The following POTEC variants were observed in gnomAD, a reference collection of about 807,000 sequenced individuals.
The protein encoded by POTEC is ANKRD26-like family B member 2.
In POTEC, 35 loss-of-function variants were observed where a neutral mutation model predicts 62.0. The ratio of observed to expected loss-of-function variants is 0.56; its 90% CI spans 0.43 to 0.75. The LOEUF is 0.75. Ranked by LOEUF, POTEC falls within the 30% of genes least tolerant of loss-of-function variation. The pLI, the probability that POTEC is intolerant of heterozygous loss-of-function variation, is 0.00. For synonymous variants in POTEC, 156 were observed against 221.5 expected, an observed-to-expected ratio of 0.70 and a Z score of 2.62; for missense variants, 472 against 655.9, an observed-to-expected ratio of 0.72 and a Z score of 3.06.
intron 1 of POTEC, among the ~76,000 whole-genome samples, chr18:14,538,919 C>T (rs1055841733): frequency 6.6e-6 from 1 of 152,034 alleles, no homozygotes; most frequent in Non-Finnish European, 1.5e-5. Flanking sequence ...AAATACAATC[C>T]CTGGTGCCTT....
At chr18:14,513,612 T>G (rs757956168) in intron 10 of POTEC, 50 bp downstream of exon 10, 13 of 1,555,342 alleles carry the variant, frequency 8.4e-6, no homozygotes, top group African/African-American at 1.4e-5. Flanking sequence ...TAAAGCTTTT[T>G]AAAAATATAT....
At chr18:14,525,260 G>A (rs1304854957) in intron 6 of POTEC, among the ~76,000 whole-genome samples, 1 of 152,002 alleles carries the variant, frequency 6.6e-6, no homozygotes, top group Admixed American at 6.6e-5. Flanking sequence ...AACATATAAG[G>A]TAACTCAGTA....
Position 14,543,278 on chromosome 18 carries a change from C to T in POTEC, c.-132G>A. 7.1e-7 allele frequency: 1 copy of T among 1,410,470 alleles called. No individual in the cohort carries two copies. The highest frequency in any genetic ancestry group is 9.6e-7 in the Non-Finnish European group (1 of 1,042,804). The allele number at this position is 1,410,470 out of a possible 1,614,324, so 87.4% of individuals were successfully genotyped here. ...AAGGTCAATCCCAGCCAAAACTTGCCAACCCCAGCAAGGGAGCCCAGTCCA... is the reference window on the plus strand; with the variant it reads ...AAGGTCAATCCCAGCCAAAACTTGCTAACCCCAGCAAGGGAGCCCAGTCCA... On this transcript the variant is annotated 5_prime_UTR_variant, in exon 1 of 11. Transcript: ENST00000358970.
chr18:14,519,211 T>C (rs1397938011), intron 9 of POTEC, among the ~76,000 whole-genome samples: 4 of 151,706 alleles, frequency 2.6e-5, no homozygotes, highest in Non-Finnish European at 2.9e-5. Flanking sequence ...ACTGGAAGAG[T>C]TGCCCTTAAC....
rs536773906 is a variant in POTEC, at chr18:14,543,164, G to A, written c.-18C>T. 2.5e-3 allele frequency: 4,012 copies of A among 1,613,670 alleles called. 96 individuals carry two copies. The African/African-American group carries it at 0.047, about 19-fold the overall frequency. ...GTCACCATCTGCTTTTAACAGCCCG[G>A]GGAGGCCGGTAGTAGCGAACAGATC... On this transcript the variant is annotated 5_prime_UTR_variant, in exon 1 of 11. Transcript: ENST00000358970.
In POTEC at chr18:14,514,781, T is replaced by TATG. The variant is rs376287154; in HGVS notation, c.1410-999_1410-997dup. Among the ~76,000 whole-genome samples, 1,180 of 152,280 alleles carry TATG rather than the reference T, an allele frequency of 7.7e-3. 17 individuals are homozygous for TATG. The highest frequency in any genetic ancestry group is 0.027 in the African/African-American group (1,125 of 41,554). On this transcript the variant is annotated intron_variant, in intron 9 of 10. Transcript: ENST00000358970. ...AGTCAAACTCTCTCTTCAGCAATGA[T>TATG]ATGATCTTATGCCTAGAAAACTCTA...
At chr18:14,528,953 G>A (rs1910508445) in intron 6 of POTEC, 4 of 454,176 alleles carry the variant, frequency 8.8e-6, no homozygotes, top group Non-Finnish European at 1.8e-5. Flanking sequence ...TGCTCTTCCT[G>A]CCAAACAGGC....
At chr18:14,521,138 T>C (rs935890141) in intron 9 of POTEC, among the ~76,000 whole-genome samples, 3 of 152,180 alleles carry the variant, frequency 2.0e-5, no homozygotes, top group Non-Finnish European at 1.5e-5. Flanking sequence ...TAGATCCCCA[T>C]GTACAATCCC....
intron 1 of POTEC, among the ~76,000 whole-genome samples, chr18:14,538,879 G>C (rs1905839375): frequency 6.6e-6 from 1 of 152,098 alleles, no homozygotes; most frequent in Non-Finnish European, 1.5e-5. Context: ...ATAATTGGCA[G>C]CATTTAAATA....
At chr18:14,527,336 T>C (rs1243142736) in intron 6 of POTEC, among the ~76,000 whole-genome samples, 2 of 152,160 alleles carry the variant, frequency 1.3e-5, no homozygotes, top group East Asian at 3.9e-4. Flanking sequence ...GGCTGCAGGC[T>C]GCAAGAGGGG....
chr18:14,526,382 C>A (rs1418302500), intron 6 of POTEC, among the ~76,000 whole-genome samples: 1 of 152,096 alleles, frequency 6.6e-6, no homozygotes, highest in East Asian at 1.9e-4. Flanking sequence ...TCCAAGACTG[C>A]AGAGGACAGT....
chr18:14,512,279 T>C (rs1370229449), intron 10 of POTEC, among the ~76,000 whole-genome samples: 4 of 152,186 alleles, frequency 2.6e-5, no homozygotes, highest in Non-Finnish European at 4.4e-5. Context: ...AGGCATAAAA[T>C]AGAAGATTAA....
Position 14,524,909 on chromosome 18 carries a change from A to C in POTEC, c.1197+4T>G, listed in dbSNP as rs1176940976. The C allele has an allele frequency of 6.2e-7, 1 of 1,606,016 alleles. No individual in the cohort carries two copies. Among genetic ancestry groups the C allele is most frequent in the East Asian group, 2.2e-5 (1 of 44,622 alleles). The stretch of plus-strand genomic sequence containing the variant: ...CAAAAATTTAAATTTAAAATTTTCC[A>C]TGCCTCTGGCTGGCTATTTTCACTG... On this transcript the variant is annotated splice_donor_region_variant and intron_variant, in intron 7 of 10. Coordinates refer to ENST00000358970, the MANE Select transcript of POTEC (RefSeq NM_001137671.2).
At chr18:14,521,320 G>A (rs1910300832) in intron 9 of POTEC, among the ~76,000 whole-genome samples, 1 of 152,084 alleles carries the variant, frequency 6.6e-6, no homozygotes, top group Non-Finnish European at 1.5e-5. Flanking sequence ...CTTAAGATGT[G>A]TTACCAAACT....
chr18:14,539,513 G>A (rs1269509246), intron 1 of POTEC, among the ~76,000 whole-genome samples: 2 of 143,750 alleles, frequency 1.4e-5, no homozygotes, highest in Non-Finnish European at 3.0e-5. Context: ...CCACCTATAA[G>A]TGAGACCACG....
At position 14,514,086 on chromosome 18, in the gene POTEC, T is replaced by C. The variant is rs1236122557; in HGVS notation, c.1410-301A>G. ...TTACTAATATATAATGAAATAATTA[T>C]ATAACTCGCCATCATGTAGAATCAG... On this transcript the variant is annotated intron_variant, in intron 9 of 10. Coordinates refer to ENST00000358970, the MANE Select transcript of POTEC (RefSeq NM_001137671.2). Among the ~76,000 whole-genome samples the C allele has an allele frequency of 4.6e-5, 7 of 151,458 alleles. No homozygotes were observed. In the East Asian group the frequency reaches 1.4e-3, roughly 29 times the overall value.
chr18:14,528,606 G>A (rs1194932598), intron 6 of POTEC, among the ~76,000 whole-genome samples: 3 of 152,030 alleles, frequency 2.0e-5, no homozygotes, highest in Admixed American at 1.3e-4. Context: ...ACCATGAAAG[G>A]AGACATGAAT....
intron 1 of POTEC, among the ~76,000 whole-genome samples, chr18:14,539,182 C>G (rs1449288665): frequency 2.0e-5 from 3 of 151,830 alleles, no homozygotes; most frequent in Non-Finnish European, 2.9e-5. Flanking sequence ...GTATGTACAT[C>G]AGATATTTCT....
At position 14,543,109 on chromosome 18, in the gene POTEC, G is replaced by A. The variant is rs1906016755; in HGVS notation, c.38C>T (p.Ala13Val). ...TEVCSMPAASAVKKPFDLRSK... is the reference protein window; with the variant it reads ...TEVCSMPAASVVKKPFDLRSK... ...CCTGAGATCGAATGGCTTCTTCACA[G>A]CAGAGGCAGCGGGCATTGAACAAAC... The change falls in exon 1 of 11, where the codon GCT becomes GTT. Residue 13 changes from alanine to valine, a missense_variant. Coordinates refer to ENST00000358970, the MANE Select transcript of POTEC (RefSeq NM_001137671.2). 6.2e-7 allele frequency: 1 copy of A among 1,613,970 alleles called. No homozygotes were observed. Among genetic ancestry groups the A allele is most frequent in the Non-Finnish European group, 8.5e-7 (1 of 1,179,870 alleles).
Sources: allele counts gnomAD v4.1 joint callset (sites outside exome capture counted in the v4.1 genomes callset), GRCh38; gene constraint gnomAD v4.1.1; transcripts MANE v1.5; gene names NCBI Gene and HGNC (gene_info 2026-07-23, HGNC 2026-07-21).